Variants in ADGRL3 observed in about 807,000 individuals in gnomAD.
The protein encoded by ADGRL3 is calcium-independent alpha-latrotoxin receptor 3.
Under a neutral mutation model 153.5 loss-of-function variants are expected in ADGRL3, and 62 were observed. The ratio of observed to expected loss-of-function variants is 0.40; its 90% CI spans 0.33 to 0.50. The LOEUF is 0.50. ADGRL3 is among the 20% of genes least tolerant of loss of function. The pLI, the probability that ADGRL3 is intolerant of heterozygous loss-of-function variation, is 0.47. For synonymous variants in ADGRL3, 710 were observed against 672.5 expected, an observed-to-expected ratio of 1.06 and a Z score of -0.86; for missense variants, 1,641 against 1,859.4, an observed-to-expected ratio of 0.88 and a Z score of 2.16.
chr4:61,632,883 A>G (rs2093249092), intron 5 of ADGRL3, among the ~76,000 whole-genome samples: 1 of 152,160 alleles, frequency 6.6e-6, no homozygotes, highest in African/African-American at 2.4e-5. Flanking sequence ...CACATTTTAA[A>G]AGGCTCATTA....
intron 14 of ADGRL3, among the ~76,000 whole-genome samples, chr4:61,935,433 AAC>A (rs958514848): frequency 6.6e-6 from 1 of 152,158 alleles, no homozygotes; most frequent in Non-Finnish European, 1.5e-5. Flanking sequence ...AAAATGATAA[AAC>A]AGTGTTTGAT....
rs954783879 is a variant in ADGRL3, at chr4:61,517,172, T to C, written c.56-143T>C. ...TGTAATCCTCTCAGCTGTAGGGTTG[T>C]CTGAGTAGGGCCTGGGGTGGCTGGA... On this transcript the variant is annotated intron_variant, in intron 3 of 26. Transcript: ENST00000683033. The C allele has an allele frequency of 1.1e-5, 7 of 611,276 alleles. No individual in the cohort carries two copies. The East Asian group carries it at 1.9e-4, about 17-fold the overall frequency. The allele number at this position is 611,276 out of a possible 1,614,324, so 37.9% of individuals were successfully genotyped here.
At chr4:61,466,562 A>T (rs2097886806) in intron 2 of ADGRL3, among the ~76,000 whole-genome samples, 1 of 152,150 alleles carries the variant, frequency 6.6e-6, no homozygotes, top group African/African-American at 2.4e-5. Flanking sequence ...CAAAGAGTGG[A>T]CCTGGTACTA....
At chr4:61,402,808 A>G (rs1049236120) in intron 2 of ADGRL3, among the ~76,000 whole-genome samples, 3 of 152,092 alleles carry the variant, frequency 2.0e-5, no homozygotes, top group Non-Finnish European at 2.9e-5. Flanking sequence ...TTTCCATCAT[A>G]TTTCATTCAT....
chr4:62,049,424 G>C (rs1582058763), intron 25 of ADGRL3, among the ~76,000 whole-genome samples: 1 of 151,956 alleles, frequency 6.6e-6, no homozygotes, highest in Non-Finnish European at 1.5e-5. Context: ...GACTAGTAAG[G>C]GTATATTTAT....
intron 8 of ADGRL3, among the ~76,000 whole-genome samples, chr4:61,802,010 T>C (rs2097503706): frequency 1.4e-5 from 2 of 146,278 alleles, no homozygotes; most frequent in African/African-American, 5.2e-5. Context: ...TATCAACTAA[T>C]AAGCACTTGA....
At chr4:61,291,455 C>T (rs1406702886) in intron 1 of ADGRL3, among the ~76,000 whole-genome samples, 1 of 151,390 alleles carries the variant, frequency 6.6e-6, no homozygotes, top group Admixed American at 6.6e-5. Context: ...ATGCAAATAT[C>T]ACAGCTTTTT....
chr4:61,385,287 C>CG (rs1166757921), intron 2 of ADGRL3: 2 of 152,080 alleles, frequency 1.3e-5, no homozygotes, highest in Admixed American at 1.3e-4. Flanking sequence ...TTGAACACTC[C>CG]GGGGGCCTCT....
chr4:61,456,388 TAG>T (rs1395875842), intron 2 of ADGRL3, among the ~76,000 whole-genome samples: 2 of 112,248 alleles, frequency 1.8e-5, no homozygotes, highest in South Asian at 2.9e-4. Context: ...TATATATATA[TAG>T]ATATATCTAT....
chr4:61,675,295 C>T (rs75202566), intron 5 of ADGRL3, among the ~76,000 whole-genome samples: 2,846 of 151,906 alleles, frequency 0.019, 77 homozygotes, highest in South Asian at 0.062. Flanking sequence ...ACAGAAGAAT[C>T]TAGCCCTGAG....
intron 8 of ADGRL3, among the ~76,000 whole-genome samples, chr4:61,774,562 C>G (rs1580761138): frequency 6.6e-6 from 1 of 151,838 alleles, no homozygotes; most frequent in African/African-American, 2.4e-5. Context: ...TATGCAAATA[C>G]TATACCATTT....
At chr4:61,663,581 C>T (rs2094682972) in intron 5 of ADGRL3, among the ~76,000 whole-genome samples, 1 of 152,172 alleles carries the variant, frequency 6.6e-6, no homozygotes, top group Non-Finnish European at 1.5e-5. Flanking sequence ...GTAGCACAAG[C>T]TGAGTGCAGC....
intron 4 of ADGRL3, among the ~76,000 whole-genome samples, chr4:61,567,306 G>A (rs2098820220): frequency 6.6e-6 from 1 of 152,150 alleles, no homozygotes; most frequent in Admixed American, 6.6e-5. Context: ...TGTTTTAGTA[G>A]CTGCTAAGTT....
At chr4:61,651,669 G>A (rs780319177) in intron 5 of ADGRL3, among the ~76,000 whole-genome samples, 9 of 151,508 alleles carry the variant, frequency 5.9e-5, no homozygotes, top group African/African-American at 9.7e-5. Flanking sequence ...GTGCAGTGGC[G>A]TGATCTCGGC....
rs138904583 is a variant in ADGRL3, at chr4:61,627,086, C to A, written c.473+39646C>A. ...AAATAAATTAAAATAACCCTCTACC[C>A]TTTATTGCCTCTGATTAATATTTTT... On this transcript the variant is annotated intron_variant, in intron 5 of 26. Coordinates refer to ENST00000683033, the MANE Select transcript of ADGRL3 (RefSeq NM_001387552.1). Among the ~76,000 whole-genome samples, 13 of 152,178 alleles carry A rather than the reference C, an allele frequency of 8.5e-5. 1 individual carries two copies. The highest frequency in any genetic ancestry group is 2.9e-4 in the African/African-American group (12 of 41,542).
Position 61,613,947 on chromosome 4 carries a change from G to A in ADGRL3, c.473+26507G>A, listed in dbSNP as rs192618826. ...GGCATGTATACTGTTTCAAAATGAT[G>A]TGCATCAAAGTTGTCAGTATGAATT... On this transcript the variant is annotated intron_variant, in intron 5 of 26. Transcript: ENST00000683033. Among the ~76,000 whole-genome samples the A allele has an allele frequency of 1.9e-4, 29 of 152,268 alleles. 1 individual carries two copies. Among genetic ancestry groups the A allele is most frequent in the African/African-American group, 7.0e-4 (29 of 41,546 alleles).
chr4:62,039,194 A>G (rs146843558), intron 24 of ADGRL3, among the ~76,000 whole-genome samples: 7 of 152,136 alleles, frequency 4.6e-5, no homozygotes, highest in Admixed American at 2.6e-4. Flanking sequence ...TTATATGCTT[A>G]GAAAATTTAA....
chr4:61,232,057 T>C (rs1750879247), intron 1 of ADGRL3, among the ~76,000 whole-genome samples: 1 of 152,068 alleles, frequency 6.6e-6, no homozygotes, highest in South Asian at 2.1e-4. Flanking sequence ...AGCCCCAGTC[T>C]CCTAGTCTGA....
At chr4:61,828,590 T>C (rs536442141) in intron 9 of ADGRL3, among the ~76,000 whole-genome samples, 1 of 152,278 alleles carries the variant, frequency 6.6e-6, no homozygotes, top group Non-Finnish European at 1.5e-5. Context: ...TGCAATATTA[T>C]TTTTCTTTAT....
Sources: gnomAD v4.1 joint callset for allele counts (sites outside exome capture counted in the v4.1 genomes callset) on GRCh38, gnomAD v4.1.1 for gene constraint, MANE v1.5 for transcripts, NCBI Gene and HGNC (gene_info 2026-07-23, HGNC 2026-07-21) for gene names.